Variants in C12orf76 observed in about 807,000 individuals in gnomAD.
C12orf76 encodes the protein chromosome 12 open reading frame 76.
In C12orf76, 6 loss-of-function variants were observed where a neutral mutation model predicts 6.8. The ratio of observed to expected loss-of-function variants is 0.88; its 90% CI spans 0.48 to 1.73. C12orf76 has a LOEUF of 1.73. Among genes scored for constraint, C12orf76 ranks in the 40% most tolerant of loss-of-function variants. C12orf76 has a pLI of 0.01. For missense variants in C12orf76, 99 were observed against 98.2 expected (o/e 1.01, Z -0.03); for synonymous variants, 56 against 43.7 (o/e 1.28, Z -1.11).
chr12:110,068,704 G>C (rs1892924008), upstream of C12orf76, among the ~76,000 whole-genome samples: 1 of 152,174 alleles, frequency 6.6e-6, no homozygotes, highest in Non-Finnish European at 1.5e-5. Flanking sequence ...TTCTATCCCA[G>C]TTTCAGTAAC....
At chr12:110,051,361 C>T, upstream of C12orf76, 1 of 669,790 alleles carries the variant, frequency 1.5e-6, no homozygotes, top group Non-Finnish European at 2.7e-6. Context: ...TGATATATGT[C>T]TGCAAACTCC....
intron 2 of C12orf76, among the ~76,000 whole-genome samples, chr12:110,061,957 TTC>T (rs1432007311): frequency 6.6e-6 from 1 of 152,124 alleles, no homozygotes; most frequent in Non-Finnish European, 1.5e-5. Context: ...GAGTCATTGT[TTC>T]TTCTGTAATA....
chr12:110,053,967 A>T (rs1892627782), upstream of C12orf76, among the ~76,000 whole-genome samples: 1 of 152,032 alleles, frequency 6.6e-6, no homozygotes, highest in Non-Finnish European at 1.5e-5. Flanking sequence ...GCCTGTAGAG[A>T]TGGAGGCCAA....
At chr12:110,068,317 A>AAGAAGAAGAAGAAGG (rs1468766742), upstream of C12orf76, among the ~76,000 whole-genome samples, 2 of 140,816 alleles carry the variant, frequency 1.4e-5, no homozygotes, top group African/African-American at 5.1e-5. Flanking sequence ...GAAGAAGAAG[A>AAGAAGAAGAAGAAGG]AGAAGAAGAA....
exon 1 of C12orf76, chr12:110,073,574 G>A: frequency 4.1e-6 from 2 of 493,460 alleles, no homozygotes; most frequent in South Asian, 1.5e-5. Flanking sequence ...CGCGGGGCTG[G>A]ACCAGGGCTC....
chr12:110,042,816 G>T (rs1892348577), intron 1 of C12orf76, among the ~76,000 whole-genome samples: 2 of 152,084 alleles, frequency 1.3e-5, no homozygotes, highest in Non-Finnish European at 2.9e-5. Context: ...TCAGCACTTT[G>T]GGAGGCCTAG....
intron 2 of C12orf76, among the ~76,000 whole-genome samples, chr12:110,064,082 C>T (rs1892821101): frequency 6.6e-6 from 1 of 152,176 alleles, no homozygotes; most frequent in African/African-American, 2.4e-5. Flanking sequence ...TCAGACAATC[C>T]TCATTCCATA....
intron 2 of C12orf76, among the ~76,000 whole-genome samples, chr12:110,063,022 C>G (rs1203598845): frequency 6.6e-6 from 1 of 151,288 alleles, no homozygotes; most frequent in Non-Finnish European, 1.5e-5. Flanking sequence ...TCACTGCAAC[C>G]TCCGCCTCCC....
At chr12:110,062,859 T>G (rs1365628214) in intron 2 of C12orf76, among the ~76,000 whole-genome samples, 1 of 145,640 alleles carries the variant, frequency 6.9e-6, no homozygotes, top group Non-Finnish European at 1.5e-5. Context: ...TCTCAACTGG[T>G]CTCAAACTCC....
chr12:110,069,295 C>T (rs573123869), upstream of C12orf76, among the ~76,000 whole-genome samples: 1 of 152,046 alleles, frequency 6.6e-6, no homozygotes, highest in Admixed American at 6.6e-5. Flanking sequence ...AAAAAATTAG[C>T]GGGACATGGT....
At chr12:110,056,787 T>G (rs1478062568) in intron 4 of C12orf76, 1 of 184,206 alleles carries the variant, frequency 5.4e-6, no homozygotes, top group South Asian at 1.1e-4. Flanking sequence ...GATGGTTTTA[T>G]AAGAGGTTTC....
rs976710013 is a variant in C12orf76, at chr12:110,048,362, C to G, written c.133+1G>C. 2.0e-5 allele frequency: 30 copies of G among 1,508,440 alleles called. No homozygotes were observed. The East Asian group carries it at 7.8e-4, about 39-fold the overall frequency. 93.4% of individuals were successfully genotyped at this position (1,508,440 alleles called of 1,614,324 possible). On this transcript the variant is annotated splice_donor_variant, in intron 1 of 1. Coordinates refer to ENST00000615315, the MANE Select transcript of C12orf76 (RefSeq NM_001389625.1). LOFTEE classifies it high-confidence loss of function. ...CGCCCGCCAGCCCGAGGGCCGCTCACCCAGGTTCTGCCCTCGCAGCACCGC... is the reference window on the plus strand; with the variant it reads ...CGCCCGCCAGCCCGAGGGCCGCTCAGCCAGGTTCTGCCCTCGCAGCACCGC...
upstream of C12orf76, chr12:110,049,837 T>C (rs1314908891): frequency 6.6e-6 from 1 of 152,220 alleles, no homozygotes; most frequent in African/African-American, 2.4e-5. Context: ...CCAGACATTG[T>C]ATAGAAGAAC....
At chr12:110,048,740 G>T, upstream of C12orf76, 2 of 1,067,742 alleles carry the variant, frequency 1.9e-6, no homozygotes, top group Non-Finnish European at 2.4e-6. Flanking sequence ...GCCAACGTTC[G>T]CCGCGATTAC....
chr12:110,042,578 A>T (rs1411981980), intron 1 of C12orf76, 119 bp from the exon 2 acceptor site: 1 of 719,316 alleles, frequency 1.4e-6, no homozygotes, highest in East Asian at 2.6e-5. Flanking sequence ...AGTGCTGTGC[A>T]AACAGCTGTA....
chr12:110,066,524 C>T (rs548118319), intron 1 of C12orf76, among the ~76,000 whole-genome samples: 43 of 151,696 alleles, frequency 2.8e-4, no homozygotes, highest in African/African-American at 9.4e-4. Context: ...CCCATCTCTA[C>T]TAAAAATACA....
At chr12:110,062,850 C>T (rs1163633747) in intron 2 of C12orf76, among the ~76,000 whole-genome samples, 3 of 122,010 alleles carry the variant, frequency 2.5e-5, no homozygotes, top group Non-Finnish European at 4.9e-5. Context: ...CTCAGCTGTT[C>T]TCAACTGGTC....
intron 1 of C12orf76, among the ~76,000 whole-genome samples, chr12:110,043,641 C>T (rs1475020150): frequency 6.6e-6 from 1 of 152,014 alleles, no homozygotes; most frequent in Non-Finnish European, 1.5e-5. Flanking sequence ...ATCACGAGGT[C>T]AGGAGTTCGA....
At chr12:110,073,308 G>T in intron 1 of C12orf76, 1 of 449,352 alleles carries the variant, frequency 2.2e-6, no homozygotes, top group South Asian at 1.6e-5. Context: ...GTGAAAGCAC[G>T]TCCAAATTTG....
Sources: allele counts gnomAD v4.1 joint callset (sites outside exome capture counted in the v4.1 genomes callset), GRCh38; gene constraint gnomAD v4.1.1; transcripts MANE v1.5; gene names NCBI Gene and HGNC (gene_info 2026-07-23, HGNC 2026-07-21).